The following PTPRG variants were observed in gnomAD, a reference collection of about 807,000 sequenced individuals.
PTPRG encodes receptor-type tyrosine-protein phosphatase gamma.
Under a neutral mutation model 165.3 loss-of-function variants are expected in PTPRG, and 102 were observed. The observed-to-expected ratio is 0.62, with a 90% CI of 0.53 to 0.73. The LOEUF (loss-of-function observed/expected upper bound fraction) is 0.73, where lower values mean the gene tolerates loss of function less well. Ranked by LOEUF, PTPRG falls within the 30% of genes least tolerant of loss-of-function variation. The probability of loss-of-function intolerance (pLI) is 0.00; values close to 1 mark genes in which losing one functional copy is unlikely to be tolerated. For missense variants in PTPRG, 1,866 were observed against 1,861.4 expected, an observed-to-expected ratio of 1.00 and a Z score of -0.05; for synonymous variants, 675 against 669.5, an observed-to-expected ratio of 1.01 and a Z score of -0.13.
intron 2 of PTPRG, among the ~76,000 whole-genome samples, chr3:61,933,026 T>A (rs1158610026): frequency 6.6e-6 from 1 of 152,140 alleles, no homozygotes; most frequent in African/African-American, 2.4e-5. Flanking sequence ...GGCTGAGAAT[T>A]TGTGGTCAGA....
At chr3:61,759,779 TAA>T (rs1385288660) in intron 2 of PTPRG, among the ~76,000 whole-genome samples, 1 of 152,036 alleles carries the variant, frequency 6.6e-6, no homozygotes, top group Non-Finnish European at 1.5e-5. Flanking sequence ...TTTCACATAA[TAA>T]AGTCATTTCT....
intron 4 of PTPRG, among the ~76,000 whole-genome samples, chr3:62,041,458 A>G (rs1028217205): frequency 6.6e-6 from 1 of 152,214 alleles, no homozygotes; most frequent in Non-Finnish European, 1.5e-5. Context: ...GTCTGAAATT[A>G]ACAAAGGATT....
intron 2 of PTPRG, among the ~76,000 whole-genome samples, chr3:61,763,048 C>T (rs2033904228): frequency 6.6e-6 from 1 of 152,128 alleles, no homozygotes; most frequent in Non-Finnish European, 1.5e-5. Flanking sequence ...CAAAGCATCC[C>T]ACCCCTGGTG....
chr3:61,869,679 A>G (rs939888852), intron 2 of PTPRG, among the ~76,000 whole-genome samples: 15 of 151,930 alleles, frequency 9.9e-5, no homozygotes, highest in African/African-American at 3.1e-4. Flanking sequence ...CCTGGGCTTA[A>G]CTGATCTTCC....
intron 1 of PTPRG, among the ~76,000 whole-genome samples, chr3:61,732,320 G>A (rs1292489243): frequency 1.3e-5 from 2 of 152,162 alleles, no homozygotes; most frequent in African/African-American, 2.4e-5. Context: ...GCTCATGCCT[G>A]TAATCCCAGC....
intron 2 of PTPRG, among the ~76,000 whole-genome samples, chr3:61,898,815 A>G (rs2038427507): frequency 6.6e-6 from 1 of 152,220 alleles, no homozygotes; most frequent in African/African-American, 2.4e-5. Context: ...GATTCTGTTG[A>G]TTCTGGGGTA....
At chr3:62,066,584 T>C (rs940116608) in intron 4 of PTPRG, among the ~76,000 whole-genome samples, 2 of 152,142 alleles carry the variant, frequency 1.3e-5, no homozygotes, top group South Asian at 4.1e-4. Flanking sequence ...TAGGGGCCCC[T>C]CCCCCTCCAC....
At chr3:61,801,774 G>C (rs1293772429) in intron 2 of PTPRG, among the ~76,000 whole-genome samples, 1 of 152,132 alleles carries the variant, frequency 6.6e-6, no homozygotes, top group East Asian at 1.9e-4. Flanking sequence ...ATGTTTGGAA[G>C]AACTTTCTCA....
intron 3 of PTPRG, among the ~76,000 whole-genome samples, chr3:62,001,086 G>T (rs952453882): frequency 1.3e-5 from 2 of 152,226 alleles, no homozygotes; most frequent in African/African-American, 4.8e-5. Flanking sequence ...GACTGCCTTC[G>T]GTATATTCTG....
rs1703068112 is a variant in PTPRG, at chr3:62,296,506, CCAACT to C, written c.*3202_*3206del. 6.6e-6 allele frequency: 1 copy of C among 151,562 alleles called. No homozygotes were observed. The highest frequency in any genetic ancestry group is 1.5e-5 in the Non-Finnish European group (1 of 67,886). The allele number at this position is 151,562 out of a possible 1,614,324, so 9.4% of individuals were successfully genotyped here. ...TTCTAAGCAAAACTAAAAAAAAAACCCAACTCATCATAATTTAAGAATCAAAATGT... is the reference window on the plus strand; with the variant it reads ...TTCTAAGCAAAACTAAAAAAAAAACCCATCATAATTTAAGAATCAAAATGT... On this transcript the variant is annotated 3_prime_UTR_variant, in exon 30 of 30. Coordinates refer to ENST00000474889, the MANE Select transcript of PTPRG (RefSeq NM_002841.4).
chr3:61,790,402 G>A (rs897301577), intron 2 of PTPRG, among the ~76,000 whole-genome samples: 4 of 152,138 alleles, frequency 2.6e-5, no homozygotes, highest in Non-Finnish European at 5.9e-5. Context: ...GAACAAAAAT[G>A]TTTTAGTCCA....
chr3:61,730,419 T>C (rs2032446542), intron 1 of PTPRG, among the ~76,000 whole-genome samples: 1 of 152,246 alleles, frequency 6.6e-6, no homozygotes. Flanking sequence ...AAGAATGTTT[T>C]TCTAAACTTA....
At chr3:61,773,012 A>G (rs2034258678) in intron 2 of PTPRG, among the ~76,000 whole-genome samples, 1 of 152,224 alleles carries the variant, frequency 6.6e-6, no homozygotes, top group Non-Finnish European at 1.5e-5. Flanking sequence ...TTTAGAGGCA[A>G]CATTTGAAAA....
chr3:61,861,356 G>C (rs1292849193), intron 2 of PTPRG, among the ~76,000 whole-genome samples: 1 of 152,084 alleles, frequency 6.6e-6, no homozygotes, highest in Non-Finnish European at 1.5e-5. Flanking sequence ...TGTCAAGCTG[G>C]GGGCCAAAAA....
rs1308701115 is a variant in PTPRG at position 62,213,790 on chromosome 3, T to A, written c.2156-5061T>A. ...GAGGGCATATAATGATATGGGTGTA[T>A]ACTCAGGGCCACATTTTGTGTGTTG... On this transcript the variant is annotated intron_variant, in intron 12 of 29. Coordinates refer to ENST00000474889, the MANE Select transcript of PTPRG (RefSeq NM_002841.4). This position sits in a 1 kb window ranked among gnomAD's most constrained non-coding sequence, Gnocchi z 4.4. Among the ~76,000 whole-genome samples, 1 of 152,178 alleles carries A rather than the reference T, an allele frequency of 6.6e-6. No individual in the cohort carries two copies. The highest frequency in any genetic ancestry group is 1.5e-5 in the Non-Finnish European group (1 of 68,030).
chr3:61,918,067 T>C (rs892214063), intron 2 of PTPRG, among the ~76,000 whole-genome samples: 3 of 152,210 alleles, frequency 2.0e-5, no homozygotes, highest in African/African-American at 7.2e-5. Context: ...AAGCAGTTTA[T>C]AGAACTCTTG....
At position 62,273,864 on chromosome 3, in the gene PTPRG, T is replaced by G; in HGVS notation, c.3465+20T>G. ...TTCAAGGTAGTGCTTTGAAAAAGTT[T>G]CTTTGGCATAAAGCAAGAAAATGTT... is the stretch of plus-strand genomic sequence containing the variant. On this transcript the variant is annotated intron_variant, in intron 23 of 29. Coordinates refer to ENST00000474889, the MANE Select transcript of PTPRG (RefSeq NM_002841.4). This position sits in a 1 kb window ranked among gnomAD's most constrained non-coding sequence, Gnocchi z 4.1. The G allele has an allele frequency of 6.2e-7, 1 of 1,610,458 alleles. No individual in the cohort carries two copies. The highest frequency in any genetic ancestry group is 2.2e-5 in the East Asian group (1 of 44,754).
intron 4 of PTPRG, among the ~76,000 whole-genome samples, chr3:62,019,869 C>T (rs1460266320): frequency 6.6e-6 from 1 of 152,174 alleles, no homozygotes; most frequent in Non-Finnish European, 1.5e-5. Context: ...GAGTACTTAA[C>T]ATGCATTGTG....
At chr3:61,990,943 G>C (rs1225846782) in intron 3 of PTPRG, among the ~76,000 whole-genome samples, 1 of 149,774 alleles carries the variant, frequency 6.7e-6, no homozygotes, top group Non-Finnish European at 1.5e-5. Context: ...TAAATGGGCA[G>C]CTTTAGGGAT....
Sources: gnomAD v4.1 joint callset for allele counts (sites outside exome capture counted in the v4.1 genomes callset) on GRCh38, gnomAD v4.1.1 for gene constraint, Gnocchi (gnomAD v3.1) non-coding constraint, MANE v1.5 for transcripts, NCBI Gene and HGNC (gene_info 2026-07-23, HGNC 2026-07-21) for gene names.